SLC24A5: variants seen among roughly 807,000 people sequenced by gnomAD.
SLC24A5 encodes solute carrier family 24 member 5.
A neutral mutation model predicts 51.6 loss-of-function variants in SLC24A5; 46 were observed. That is an observed-to-expected ratio of 0.89 (90% CI 0.70 to 1.14). SLC24A5 has a LOEUF of 1.14. Ranked by LOEUF, SLC24A5 falls within the 50% of genes most tolerant of loss-of-function variation. SLC24A5 has a pLI of 0.00. For synonymous variants in SLC24A5, 230 were observed against 214.9 expected (o/e 1.07, Z -0.62); for missense variants, 581 against 604.1 (o/e 0.96, Z 0.40).
chr15:48,134,771 T>G, intron 4 of SLC24A5, 113 bp from the exon 5 acceptor site: 1 of 894,972 alleles, frequency 1.1e-6, no homozygotes, highest in Non-Finnish European at 1.7e-6. Context: ...CTAAGCAATA[T>G]GCAAAAGATA....
intron 2 of SLC24A5, among the ~76,000 whole-genome samples, chr15:48,129,761 G>C: frequency 6.6e-6 from 1 of 151,988 alleles, no homozygotes; most frequent in East Asian, 1.9e-4. Flanking sequence ...AAAATAAAAA[G>C]TGGTGTAGAG....
At position 48,136,857 on chromosome 15, in the gene SLC24A5, A is replaced by G; in HGVS notation, c.765A>G (p.Gln255=). Residue 255 remains glutamine (Q), a synonymous_variant, in exon 6 of 9, where the codon CAA becomes CAG. Coordinates refer to ENST00000341459, the MANE Select transcript of SLC24A5 (RefSeq NM_205850.3). The stretch of plus-strand genomic sequence containing the variant: ...TGATGGGCTGGGAAGATGAAGGTCA[A>G]CCATTCATTCGTCGGCAATCAAGAA... ...QPLMGWEDEG[Q]PFIRRQSRTD... is the part of the protein sequence containing the mutation. 1 of 1,613,874 alleles carries G rather than the reference A, an allele frequency of 6.2e-7. No homozygotes were observed. The highest frequency in any genetic ancestry group is 8.5e-7 in the Non-Finnish European group (1 of 1,179,832).
chr15:48,140,976 A>C, intron 7 of SLC24A5, 137 bp from the exon 8 acceptor site: 2 of 607,644 alleles, frequency 3.3e-6, no homozygotes, highest in South Asian at 4.5e-5. Flanking sequence ...TAAAAAACTA[A>C]TAAGCAAGCA....
intron 5 of SLC24A5, 23 bp downstream of exon 5, chr15:48,135,007 T>A: frequency 2.6e-6 from 4 of 1,536,776 alleles, no homozygotes; most frequent in Non-Finnish European, 3.6e-6. Flanking sequence ...ATAATTCTTA[T>A]GTAAAAATTA....
intron 6 of SLC24A5, 95 bp downstream of exon 6, chr15:48,137,058 T>A: frequency 7.6e-7 from 1 of 1,315,948 alleles, no homozygotes; most frequent in Non-Finnish European, 1.0e-6. Flanking sequence ...GCTTTTTATG[T>A]AAAAAAGACT....
In SLC24A5 at chr15:48,135,140, G is replaced by A. The variant is rs2038865394; in HGVS notation, c.590+156G>A. On this transcript the variant is annotated intron_variant, in intron 5 of 8. Coordinates refer to ENST00000341459, the MANE Select transcript of SLC24A5 (RefSeq NM_205850.3). ...GTGAGTTAACCTCATCACAATTGCTGATTGAGTTCTTCTCACTAGTTTGCA... is the reference window on the plus strand; with the variant it reads ...GTGAGTTAACCTCATCACAATTGCTAATTGAGTTCTTCTCACTAGTTTGCA... 7 of 547,472 alleles carry A rather than the reference G, an allele frequency of 1.3e-5. No homozygotes were observed. In the South Asian group the frequency reaches 2.0e-4, roughly 16 times the overall value. The allele number at this position is 547,472 out of a possible 1,614,324, so 33.9% of individuals were successfully genotyped here.
rs935540197 is a variant in SLC24A5 at position 48,121,740 on chromosome 15, G to A, written c.122-117G>A. The A allele has an allele frequency of 5.1e-5, 53 of 1,035,850 alleles. No homozygotes were observed. In the South Asian group the frequency reaches 6.5e-4, roughly 13 times the overall value. 64.2% of individuals were successfully genotyped at this position (1,035,850 alleles called of 1,614,324 possible). On this transcript the variant is annotated intron_variant, in intron 1 of 8. Coordinates refer to ENST00000341459, the MANE Select transcript of SLC24A5 (RefSeq NM_205850.3). Reference sequence around the variant, plus strand: ...AGAAGCGCTTTATACATTTTCAGTGGGTCCTTAAAATTCCACCCGGTTACC... The same window carrying A: ...AGAAGCGCTTTATACATTTTCAGTGAGTCCTTAAAATTCCACCCGGTTACC...
At position 48,142,339 on chromosome 15, in the gene SLC24A5, C is replaced by T. The variant is rs2052885744; in HGVS notation, c.1491C>T (p.Gly497=). ...LGIIGNNKIR[G]CGG ...TTATTGGAAATAATAAAATAAGGGG[C>T]TGTGGAGGTTGATATTATTAATAGT... Residue 497 remains glycine (G), a synonymous_variant, in exon 9 of 9, where the codon GGC becomes GGT. Transcript: ENST00000341459. 1.9e-6 allele frequency: 3 copies of T among 1,595,428 alleles called. No individual in the cohort carries two copies. Among genetic ancestry groups the T allele is most frequent in the African/African-American group, 1.4e-5 (1 of 73,950 alleles).
chr15:48,136,646 C>T (rs953156425), intron 5 of SLC24A5, 37 bp from the exon 6 acceptor site: 1 of 1,550,776 alleles, frequency 6.4e-7, no homozygotes, highest in Non-Finnish European at 8.7e-7. Context: ...AAATGACTTT[C>T]ACTTTTAATT....
chr15:48,132,705 C>G lies in SLC24A5; in HGVS notation c.302-1553C>G, dbSNP rs765544912. Reference sequence around the variant, plus strand: ...CCTGAGAGCTCACTCTCTCATATGTCTGGTGCCTAGGCTGGGAATTTTCAA... The same window carrying G: ...CCTGAGAGCTCACTCTCTCATATGTGTGGTGCCTAGGCTGGGAATTTTCAA... On this transcript the variant is annotated intron_variant, in intron 2 of 8. Coordinates refer to ENST00000341459, the MANE Select transcript of SLC24A5 (RefSeq NM_205850.3). Among the ~76,000 whole-genome samples, 5 of 152,110 alleles carry G rather than the reference C, an allele frequency of 3.3e-5. No homozygotes were observed. In the South Asian group the frequency reaches 1.0e-3, roughly 31 times the overall value.
chr15:48,121,309 C>T (rs1048788739), intron 1 of SLC24A5, 144 bp downstream of exon 1: 2 of 902,026 alleles, frequency 2.2e-6, no homozygotes, highest in South Asian at 2.0e-5. Flanking sequence ...AAAAAGATAT[C>T]AAACACTTTT....
chr15:48,129,761 G>A (rs181348766), intron 2 of SLC24A5, among the ~76,000 whole-genome samples: 108 of 151,988 alleles, frequency 7.1e-4, no homozygotes, highest in Admixed American at 6.4e-3. Context: ...AAAATAAAAA[G>A]TGGTGTAGAG....
intron 5 of SLC24A5, 34 bp downstream of exon 5, chr15:48,135,018 G>T: frequency 6.7e-7 from 1 of 1,501,420 alleles, no homozygotes; most frequent in South Asian, 1.2e-5. Flanking sequence ...GTAAAAATTA[G>T]AGATTTTATG....
chr15:48,129,251 C>G (rs2038763917), intron 2 of SLC24A5, among the ~76,000 whole-genome samples: 1 of 151,878 alleles, frequency 6.6e-6, no homozygotes, highest in Non-Finnish European at 1.5e-5. Context: ...TAAAAACATC[C>G]CAGAGCATAT....
chr15:48,121,900 C>T lies in SLC24A5; in HGVS notation c.165C>T (p.Pro55=), dbSNP rs558029828. 6.8e-6 allele frequency: 11 copies of T among 1,614,118 alleles called. No homozygotes were observed. In the African/African-American group the frequency reaches 8.0e-5, roughly 12 times the overall value. The change falls in exon 2 of 9, where the codon CCC becomes CCT. Residue 55 remains proline, a synonymous_variant. Coordinates refer to ENST00000341459, the MANE Select transcript of SLC24A5 (RefSeq NM_205850.3). ...TTATTTCTCCATCATCGGAGTTTCC[C>T]GAAGGGTTTTTCACGAGACAGGAGC... is the stretch of plus-strand genomic sequence containing the variant. The part of the protein sequence containing the change: ...QCVISPSSEF[P]EGFFTRQERR...
rs1340113718 is a variant in SLC24A5 at position 48,121,856 on chromosome 15, G to T, written c.122-1G>T. The T allele has an allele frequency of 6.2e-7, 1 of 1,614,000 alleles. No homozygotes were observed. Among genetic ancestry groups the T allele is most frequent in the Admixed American group, 1.7e-5 (1 of 60,016 alleles). On this transcript the variant is annotated splice_acceptor_variant, in intron 1 of 8. Transcript: ENST00000341459. LOFTEE classifies it high-confidence loss of function. Reference sequence around the variant, plus strand: ...AACTTTCACCTCCTTTTCCTTAACAGGAAATAGCACCCAATGTGTTATTTC... The same window carrying T: ...AACTTTCACCTCCTTTTCCTTAACATGAAATAGCACCCAATGTGTTATTTC...
chr15:48,134,529 A>C lies in SLC24A5; in HGVS notation c.480A>C (p.Leu160=). 2 of 1,611,698 alleles carry C rather than the reference A, an allele frequency of 1.2e-6. No homozygotes were observed. Among genetic ancestry groups the C allele is most frequent in the South Asian group, 2.2e-5 (2 of 90,962 alleles). The change falls in exon 4 of 9, where the codon CTA becomes CTC. Residue 160 remains leucine (L), a synonymous_variant. Transcript: ENST00000341459. ...LLGICAACGL[L]SNTVSTLSCW... is the part of the protein sequence containing the mutation. ...GCATCTGTGCTGCCTGTGGTTTGCTATCTAATACGGTATGTAACAAAACCA... is the reference window on the plus strand; with the variant it reads ...GCATCTGTGCTGCCTGTGGTTTGCTCTCTAATACGGTATGTAACAAAACCA...
chr15:48,138,858 C>A, intron 6 of SLC24A5, 111 bp from the exon 7 acceptor site: 1 of 790,398 alleles, frequency 1.3e-6, no homozygotes, highest in Non-Finnish European at 2.0e-6. Flanking sequence ...TTTAAACAGC[C>A]TTTTAAAAAC....
intron 2 of SLC24A5, among the ~76,000 whole-genome samples, chr15:48,133,768 A>G (rs1200487416): frequency 6.6e-6 from 1 of 152,140 alleles, no homozygotes; most frequent in Non-Finnish European, 1.5e-5. Flanking sequence ...CATATTCCGA[A>G]TAATATTTTA....
Sources: allele counts gnomAD v4.1 joint callset (sites outside exome capture counted in the v4.1 genomes callset), GRCh38; gene constraint gnomAD v4.1.1; transcripts MANE v1.5; gene names NCBI Gene and HGNC (gene_info 2026-07-23, HGNC 2026-07-21).